The following KCNAB1 variants were observed in gnomAD, a reference collection of about 807,000 sequenced individuals.
The protein encoded by KCNAB1 is potassium voltage-gated channel subfamily A regulatory beta subunit 1, also known as voltage-gated potassium channel subunit beta-1.
KCNAB1 carries 35 observed loss-of-function variants against 64.6 expected under a neutral mutation model. That is an observed-to-expected ratio of 0.54 (90% CI 0.41 to 0.72). The LOEUF is 0.72. Ranked by LOEUF, KCNAB1 falls within the 30% of genes least tolerant of loss-of-function variation. The probability of loss-of-function intolerance (pLI) is 0.00; values close to 1 mark genes in which losing one functional copy is unlikely to be tolerated. For missense variants in KCNAB1, 401 were observed against 512.9 expected, an observed-to-expected ratio of 0.78 and a Z score of 2.11; for synonymous variants, 177 against 183.8, an observed-to-expected ratio of 0.96 and a Z score of 0.30.
intron 1 of KCNAB1, among the ~76,000 whole-genome samples, chr3:156,224,038 G>A (rs887830057): frequency 6.6e-6 from 1 of 152,268 alleles, no homozygotes; most frequent in African/African-American, 2.4e-5. Flanking sequence ...ACTCAGGCAT[G>A]GCGGGCTGCA....
At chr3:156,264,629 A>G (rs1442155111) in intron 1 of KCNAB1, among the ~76,000 whole-genome samples, 1 of 152,156 alleles carries the variant, frequency 6.6e-6, no homozygotes, top group Non-Finnish European at 1.5e-5. Context: ...GATAAAATGT[A>G]GAAACTTCGC....
chr3:156,435,580 C>A (rs142940878), intron 2 of KCNAB1, among the ~76,000 whole-genome samples: 294 of 152,200 alleles, frequency 1.9e-3, no homozygotes, highest in Middle Eastern at 3.4e-3. Context: ...AGCAAGAGAA[C>A]CTTCTAAATG....
chr3:156,348,809 A>G (rs927564483), intron 1 of KCNAB1, among the ~76,000 whole-genome samples: 4 of 152,296 alleles, frequency 2.6e-5, no homozygotes, highest in East Asian at 1.9e-4. Context: ...AAGCCTCTAT[A>G]TATGGTACTC....
chr3:156,381,648 A>T (rs778167396), intron 1 of KCNAB1, among the ~76,000 whole-genome samples: 1 of 152,232 alleles, frequency 6.6e-6, no homozygotes, highest in Non-Finnish European at 1.5e-5. Context: ...GGCAATTATA[A>T]GCTGGGCCAG....
At chr3:156,236,162 C>T (rs1346624964) in intron 1 of KCNAB1, among the ~76,000 whole-genome samples, 1 of 152,086 alleles carries the variant, frequency 6.6e-6, no homozygotes, top group Non-Finnish European at 1.5e-5. Flanking sequence ...GTAAAGCATC[C>T]CTTATGCCAA....
At chr3:156,439,502 T>C (rs1716845524) in intron 2 of KCNAB1, among the ~76,000 whole-genome samples, 1 of 152,234 alleles carries the variant, frequency 6.6e-6, no homozygotes, top group Admixed American at 6.5e-5. Flanking sequence ...CAGACAGCCC[T>C]GTCCTTGCCA....
chr3:156,460,081 T>G, intron 5 of KCNAB1: 1 of 505,968 alleles, frequency 2.0e-6, no homozygotes. Context: ...TCACAATGAA[T>G]TACCAAAGAG....
chr3:156,177,054 G>C, intron 1 of KCNAB1: 1 of 509,468 alleles, frequency 2.0e-6, no homozygotes, highest in East Asian at 3.0e-5. Flanking sequence ...AAATCTGCTT[G>C]CAGCTACTCC....
intron 1 of KCNAB1, among the ~76,000 whole-genome samples, chr3:156,173,813 G>T (rs1305962204): frequency 6.6e-6 from 1 of 152,234 alleles, no homozygotes; most frequent in African/African-American, 2.4e-5. Context: ...CCAGAGGACT[G>T]TGTGAAGCAG....
chr3:156,182,636 C>A (rs1022029789), intron 1 of KCNAB1, among the ~76,000 whole-genome samples: 2 of 151,662 alleles, frequency 1.3e-5, no homozygotes, highest in Non-Finnish European at 2.9e-5. Flanking sequence ...TTTTCCCCCC[C>A]CCGGGTCTTA....
chr3:156,314,652 A>G (rs1047532168), intron 1 of KCNAB1, among the ~76,000 whole-genome samples: 1 of 152,250 alleles, frequency 6.6e-6, no homozygotes, highest in South Asian at 2.1e-4. Context: ...GCTGGTCATA[A>G]GTTAAAGACA....
chr3:156,301,458 G>C (rs532997068), intron 1 of KCNAB1, among the ~76,000 whole-genome samples: 1 of 152,278 alleles, frequency 6.6e-6, no homozygotes, highest in African/African-American at 2.4e-5. Context: ...AAAATGTTCA[G>C]AAGAAATCTT....
intron 2 of KCNAB1, among the ~76,000 whole-genome samples, chr3:156,426,811 T>C (rs1046596040): frequency 2.6e-5 from 4 of 152,366 alleles, no homozygotes; most frequent in Middle Eastern, 3.4e-3. Flanking sequence ...TGATAGTTCA[T>C]TTCTTTTTAG....
At position 156,143,569 on chromosome 3, in the gene KCNAB1, G is replaced by GTTTTTTTGTTTTTTTTT. The variant is rs1553807970; in HGVS notation, c.275+22690_275+22691insGTTTTTTTTTTTTTTTT. On this transcript the variant is annotated intron_variant, in intron 1 of 13. Transcript: ENST00000490337. Reference sequence around the variant, plus strand: ...AGCCCTCTTCTTGGGTTGCATTCTTGTTTTTTTTTTTTTTTTTTTTTTTTT... The same window carrying GTTTTTTTGTTTTTTTTT: ...AGCCCTCTTCTTGGGTTGCATTCTTGTTTTTTTGTTTTTTTTTTTTTTTTTTTTTTTTTTTTTTTTTT... The GTTTTTTTGTTTTTTTTT allele has an allele frequency of 1.4e-4, 43 of 297,056 alleles. 1 individual carries two copies. The highest frequency in any genetic ancestry group is 2.9e-4 in the South Asian group (2 of 6,826). 18.4% of individuals were successfully genotyped at this position (297,056 alleles called of 1,614,324 possible). A position where few individuals can be genotyped will look rare whatever the true frequency, so the allele number is the denominator to read the frequency against.
intron 1 of KCNAB1, among the ~76,000 whole-genome samples, chr3:156,371,672 T>C (rs1411492659): frequency 6.6e-6 from 1 of 152,304 alleles, no homozygotes; most frequent in East Asian, 1.9e-4. Flanking sequence ...GGGGCTTGAA[T>C]GTACTGCAGT....
intron 7 of KCNAB1, among the ~76,000 whole-genome samples, chr3:156,471,989 A>C (rs983143467): frequency 1.3e-5 from 2 of 152,158 alleles, no homozygotes; most frequent in Non-Finnish European, 2.9e-5. Flanking sequence ...CCAAATCAGT[A>C]CCCTGAATCC....
intron 7 of KCNAB1, among the ~76,000 whole-genome samples, chr3:156,470,405 C>T (rs1713795923): frequency 6.6e-6 from 1 of 152,148 alleles, no homozygotes; most frequent in Admixed American, 6.5e-5. Flanking sequence ...CCTGTAATCC[C>T]AACGATTTGG....
At chr3:156,513,202 A>G (rs1472744345) in intron 8 of KCNAB1, among the ~76,000 whole-genome samples, 2 of 151,702 alleles carry the variant, frequency 1.3e-5, no homozygotes, top group Non-Finnish European at 2.9e-5. Context: ...AAAGGGCAAG[A>G]CTCCATCTCA....
intron 1 of KCNAB1, among the ~76,000 whole-genome samples, chr3:156,390,540 C>CCTTCCTTCCTT (rs1712960359): frequency 6.6e-6 from 1 of 151,770 alleles, no homozygotes. Context: ...TGGTTTCCTT[C>CCTTCCTTCCTT]CTTCCTTCCT....
Sources: allele counts gnomAD v4.1 joint callset (sites outside exome capture counted in the v4.1 genomes callset), GRCh38; gene constraint gnomAD v4.1.1; transcripts MANE v1.5; gene names NCBI Gene and HGNC (gene_info 2026-07-23, HGNC 2026-07-21).